PLCL1: variants seen among roughly 807,000 people sequenced by gnomAD.
PLCL1 encodes the protein inactive phospholipase C-like protein 1.
A neutral mutation model predicts 84.4 loss-of-function variants in PLCL1; 41 were observed. The ratio of observed to expected loss-of-function variants is 0.49; its 90% CI spans 0.38 to 0.63. The LOEUF is 0.63. PLCL1 is among the 30% of genes least tolerant of loss of function. PLCL1 has a pLI of 0.00. For synonymous variants in PLCL1, 490 were observed against 488.3 expected (o/e 1.00, Z -0.05); for missense variants, 1,206 against 1,367.8 (o/e 0.88, Z 1.87).
intron 3 of PLCL1, among the ~76,000 whole-genome samples, chr2:198,097,631 A>C (rs1189063168): frequency 2.6e-5 from 4 of 152,218 alleles, no homozygotes. Context: ...AAACAACAAG[A>C]GAAAAAAAAT....
intron 1 of PLCL1, among the ~76,000 whole-genome samples, chr2:198,057,854 T>C (rs1385703095): frequency 2.6e-5 from 4 of 152,228 alleles, no homozygotes; most frequent in African/African-American, 9.6e-5. Flanking sequence ...CTTAGAGAAG[T>C]ATAGTTTCCT....
chr2:198,032,366 C>T (rs1047823177), intron 1 of PLCL1, among the ~76,000 whole-genome samples: 1 of 152,140 alleles, frequency 6.6e-6, no homozygotes, highest in Non-Finnish European at 1.5e-5. Flanking sequence ...ACCTAATTGC[C>T]ATTTTAATTA....
Position 198,084,018 on chromosome 2 carries a change from AC to A in PLCL1, c.502del (p.Leu168TrpfsTer36). 1 of 1,614,188 alleles carries A rather than the reference AC, an allele frequency of 6.2e-7. No homozygotes were observed. Among genetic ancestry groups the A allele is most frequent in the Non-Finnish European group, 8.5e-7 (1 of 1,180,010 alleles). On this transcript the variant is annotated frameshift_variant, in exon 2 of 6. Coordinates refer to ENST00000428675, the MANE Select transcript of PLCL1 (RefSeq NM_006226.4). LOFTEE classifies it high-confidence loss of function. ...LDISAIKEIRLGKNTETFRNN... is the reference protein window; with the variant it reads ...LDISAIKEIRXGKNTETFRNN... ...ATATTTCTGCCATAAAAGAGATCAG[AC>A]TGGGGAAAAACACGGAAACATTTAG...
chr2:197,902,034 C>T (rs541494566), intron 1 of PLCL1, among the ~76,000 whole-genome samples: 1 of 152,104 alleles, frequency 6.6e-6, no homozygotes, highest in Admixed American at 6.6e-5. Flanking sequence ...CCCTCATAAA[C>T]TCTTATTTTT....
intron 1 of PLCL1, among the ~76,000 whole-genome samples, chr2:197,953,367 G>A (rs990689558): frequency 6.6e-6 from 1 of 152,054 alleles, no homozygotes; most frequent in Non-Finnish European, 1.5e-5. Context: ...AGTGGGTGCT[G>A]TGTTAATCCC....
At chr2:198,109,793 T>A (rs1693571148) in intron 5 of PLCL1, among the ~76,000 whole-genome samples, 1 of 151,864 alleles carries the variant, frequency 6.6e-6, no homozygotes, top group Non-Finnish European at 1.5e-5. Flanking sequence ...TTTAGTGAGC[T>A]TTCCCAATAT....
chr2:197,824,735 A>AC, intron 1 of PLCL1, among the ~76,000 whole-genome samples: 1 of 151,062 alleles, frequency 6.6e-6, no homozygotes, highest in African/African-American at 2.4e-5. Context: ...AAAAAAAAAA[A>AC]CATGTCTGAC....
intron 1 of PLCL1, among the ~76,000 whole-genome samples, chr2:198,016,824 C>T (rs1446702009): frequency 6.6e-6 from 1 of 152,170 alleles, no homozygotes; most frequent in Non-Finnish European, 1.5e-5. Context: ...GTCTTGAAGA[C>T]ATGAAACATT....
At chr2:198,123,614 C>G (rs1693921410) in intron 5 of PLCL1, among the ~76,000 whole-genome samples, 1 of 151,982 alleles carries the variant, frequency 6.6e-6, no homozygotes, top group African/African-American at 2.4e-5. Flanking sequence ...TGATATGGGA[C>G]TTTTAGCTTC....
At chr2:197,888,867 T>C (rs2105723277) in intron 1 of PLCL1, among the ~76,000 whole-genome samples, 1 of 152,318 alleles carries the variant, frequency 6.6e-6, no homozygotes, top group Admixed American at 6.5e-5. Context: ...AAGATATGAT[T>C]ATTAAATGCT....
At chr2:198,122,428 T>G (rs1278811592) in intron 5 of PLCL1, among the ~76,000 whole-genome samples, 2 of 152,094 alleles carry the variant, frequency 1.3e-5, no homozygotes, top group Admixed American at 1.3e-4. Context: ...CATCACCATC[T>G]TCATCACTGC....
At position 198,031,899 on chromosome 2, in the gene PLCL1, A is replaced by G. The variant is rs554493217; in HGVS notation, c.241-51859A>G. Among the ~76,000 whole-genome samples, 12 of 152,180 alleles carry G rather than the reference A, an allele frequency of 7.9e-5. No homozygotes were observed. The South Asian group carries it at 2.5e-3, about 32-fold the overall frequency. On this transcript the variant is annotated intron_variant, in intron 1 of 5. Transcript: ENST00000428675. The stretch of plus-strand genomic sequence containing the variant: ...TTAGAAAACTAATGATAATTATTGC[A>G]TCAAAAATAATTTGAGAGCACAAAT...
At chr2:197,855,535 A>G (rs1365016548) in intron 1 of PLCL1, among the ~76,000 whole-genome samples, 1 of 152,116 alleles carries the variant, frequency 6.6e-6, no homozygotes, top group Non-Finnish European at 1.5e-5. Context: ...TAGCCCAGCT[A>G]GTCTGGTCCT....
At chr2:197,923,123 T>A (rs1483222890) in intron 1 of PLCL1, among the ~76,000 whole-genome samples, 1 of 116,698 alleles carries the variant, frequency 8.6e-6, no homozygotes, top group Non-Finnish European at 1.8e-5. Context: ...CTGGCCAGGC[T>A]GAGGGGCTCC....
At chr2:197,973,597 GC>G (rs1304288270) in intron 1 of PLCL1, among the ~76,000 whole-genome samples, 3 of 152,192 alleles carry the variant, frequency 2.0e-5, no homozygotes, top group African/African-American at 7.2e-5. Flanking sequence ...AGAAGAGCAA[GC>G]CATGAAAAGG....
At chr2:197,973,413 C>T (rs529013444) in intron 1 of PLCL1, among the ~76,000 whole-genome samples, 4 of 152,258 alleles carry the variant, frequency 2.6e-5, no homozygotes, top group East Asian at 3.9e-4. Context: ...AATTGAAGAA[C>T]ATTTATGTAT....
intron 1 of PLCL1, among the ~76,000 whole-genome samples, chr2:197,836,734 CT>C (rs549836710): frequency 6.6e-6 from 1 of 152,012 alleles, no homozygotes; most frequent in African/African-American, 2.4e-5. Context: ...GGCAATTTCT[CT>C]TTTTTTAGAG....
At chr2:197,996,886 A>T (rs572092290) in intron 1 of PLCL1, among the ~76,000 whole-genome samples, 1 of 152,314 alleles carries the variant, frequency 6.6e-6, no homozygotes, top group Non-Finnish European at 1.5e-5. Flanking sequence ...TCAAGGCTGC[A>T]CTAATGACAT....
Position 198,040,636 on chromosome 2 carries a change from C to G in PLCL1, c.241-43122C>G, listed in dbSNP as rs1691637561. On this transcript the variant is annotated intron_variant, in intron 1 of 5. Coordinates refer to ENST00000428675, the MANE Select transcript of PLCL1 (RefSeq NM_006226.4). ...CTTCTTCCAGCTTCTGAAAGGTTCT[C>G]TTCATTTGGCCCCAGGAGGAATGAG... Among the ~76,000 whole-genome samples, 6 of 152,286 alleles carry G rather than the reference C, an allele frequency of 3.9e-5. No homozygotes were observed. In the South Asian group the frequency reaches 1.2e-3, roughly 32 times the overall value.
Sources: allele counts gnomAD v4.1 joint callset (sites outside exome capture counted in the v4.1 genomes callset), GRCh38; gene constraint gnomAD v4.1.1; transcripts MANE v1.5; gene names NCBI Gene and HGNC (gene_info 2026-07-23, HGNC 2026-07-21).